Variants in COL20A1 observed in about 807,000 individuals in gnomAD.
COL20A1 encodes collagen alpha-1(XX) chain.
A neutral mutation model predicts 152.9 loss-of-function variants in COL20A1; 164 were observed. The observed-to-expected ratio is 1.07, with a 90% CI of 0.94 to 1.22. COL20A1 has a LOEUF of 1.22. Among genes scored for constraint, COL20A1 ranks in the 50% most tolerant of loss-of-function variants. The pLI, the probability that COL20A1 is intolerant of heterozygous loss-of-function variation, is 0.00. For synonymous variants in COL20A1, 864 were observed against 756.0 expected, an observed-to-expected ratio of 1.14 and a Z score of -2.34; for missense variants, 1,873 against 1,744.8, an observed-to-expected ratio of 1.07 and a Z score of -1.31.
rs2068246904 is a variant in COL20A1 at position 63,326,279 on chromosome 20, T to C, written c.3456+130T>C. ...CAGGAAGTGCCTGGGAGGGCCTCAC[T>C]TCTGCTGGAACTTTCTGCAGGGCCC... On this transcript the variant is annotated intron_variant, in intron 30 of 35. Coordinates refer to ENST00000358894, the MANE Select transcript of COL20A1 (RefSeq NM_020882.4). 2.9e-5 allele frequency: 21 copies of C among 722,696 alleles called. 1 individual carries two copies. In the South Asian group the frequency reaches 3.4e-4, roughly 12 times the overall value. 44.8% of individuals were successfully genotyped at this position (722,696 alleles called of 1,614,324 possible).
Position 63,334,121 on chromosome 20 carries a change from A to G in COL20A1, c.*3405A>G, listed in dbSNP as rs2068365815. 1 of 152,202 alleles carries G rather than the reference A, an allele frequency of 6.6e-6. No homozygotes were observed. The highest frequency in any genetic ancestry group is 1.5e-5 in the Non-Finnish European group (1 of 68,040). The allele number at this position is 152,202 out of a possible 1,614,324, so 9.4% of individuals were successfully genotyped here. ...CTCATGTGTGGAATATCCACACACT[A>G]ACCATGAACTGGGCCATAAGAAACC... is the stretch of plus-strand genomic sequence containing the variant. On this transcript the variant is annotated 3_prime_UTR_variant, in exon 36 of 36. Transcript: ENST00000358894.
At chr20:63,325,642 T>C in intron 28 of COL20A1, 26 bp from the exon 29 acceptor site, 1 of 1,598,408 alleles carries the variant, frequency 6.3e-7, no homozygotes. Context: ...GGCCCCTGCC[T>C]GGCCGGCCCC....
intron 3 of COL20A1, among the ~76,000 whole-genome samples, chr20:63,301,940 T>C (rs1334641921): frequency 6.6e-6 from 1 of 152,240 alleles, no homozygotes; most frequent in Non-Finnish European, 1.5e-5. Context: ...CTTCCCTTTT[T>C]ATTACACTTG....
intron 21 of COL20A1, among the ~76,000 whole-genome samples, chr20:63,317,682 C>G (rs1027565037): frequency 3.3e-5 from 5 of 152,060 alleles, no homozygotes; most frequent in Non-Finnish European, 7.4e-5. Context: ...TGGCTGAACT[C>G]GATGACTGTT....
chr20:63,318,541 T>C (rs1236796077), intron 21 of COL20A1, among the ~76,000 whole-genome samples: 1 of 151,914 alleles, frequency 6.6e-6, no homozygotes, highest in African/African-American at 2.4e-5. Context: ...TGCCAATGAG[T>C]GTGAGTCGGG....
intron 1 of COL20A1, 60 bp from the exon 2 acceptor site, chr20:63,295,038 T>C: frequency 9.2e-7 from 1 of 1,084,250 alleles, no homozygotes; most frequent in Non-Finnish European, 1.3e-6. Flanking sequence ...TCTGGCGTTG[T>C]GGTCAGGGAG....
At chr20:63,321,668 G>A (rs1161239207) in intron 26 of COL20A1, among the ~76,000 whole-genome samples, 2 of 152,144 alleles carry the variant, frequency 1.3e-5, no homozygotes, top group Admixed American at 1.3e-4. Context: ...CCTGCCATGG[G>A]GTGGGTCCTG....
At chr20:63,293,633 G>A (rs1362357946) in intron 1 of COL20A1, among the ~76,000 whole-genome samples, 1 of 152,138 alleles carries the variant, frequency 6.6e-6, no homozygotes, top group African/African-American at 2.4e-5. Context: ...AGGTTTCTGG[G>A]GTGGGAGGAT....
At position 63,311,123 on chromosome 20, in the gene COL20A1, G is replaced by C. The variant is rs1249579270; in HGVS notation, c.1394-271G>C. ...ACAGTGCAGACTTTTGTGTCTGGGT[G>C]TTTCCCAAAGCCCTTTTCACCCCCC... On this transcript the variant is annotated intron_variant, in intron 11 of 35. Transcript: ENST00000358894. This position sits in a 1 kb window ranked among gnomAD's most constrained non-coding sequence, Gnocchi z 4.4. Among the ~76,000 whole-genome samples the C allele has an allele frequency of 1.3e-5, 2 of 152,042 alleles. No individual in the cohort carries two copies. Among genetic ancestry groups the C allele is most frequent in the East Asian group, 3.9e-4 (2 of 5,184 alleles).
intron 20 of COL20A1, among the ~76,000 whole-genome samples, chr20:63,315,980 G>A (rs2068078871): frequency 6.6e-6 from 1 of 152,250 alleles, no homozygotes; most frequent in South Asian, 2.1e-4. Flanking sequence ...AAGGAGCTGG[G>A]GCTTCGAGGG....
chr20:63,306,066 TC>T lies in COL20A1; in HGVS notation c.496+28del. ...TGGGTCAGAGTGGAGAGAGAGTAAGTCTCCGGGGAGGGAGTGACCTTTGGTT... is the reference window on the plus strand; with the variant it reads ...TGGGTCAGAGTGGAGAGAGAGTAAGTTCCGGGGAGGGAGTGACCTTTGGTT... On this transcript the variant is annotated intron_variant, in intron 5 of 35. Transcript: ENST00000358894. This position sits in a 1 kb window ranked among gnomAD's most constrained non-coding sequence, Gnocchi z 6.9. 1 of 1,562,744 alleles carries T rather than the reference TC, an allele frequency of 6.4e-7. No homozygotes were observed. The highest frequency in any genetic ancestry group is 8.7e-7 in the Non-Finnish European group (1 of 1,155,592).
In COL20A1 at chr20:63,326,131, T is replaced by G; in HGVS notation, c.3438T>G (p.Pro1146=). Residue 1146 remains proline, a synonymous_variant, in exon 30 of 36, where the codon CCT becomes CCG. Coordinates refer to ENST00000358894, the MANE Select transcript of COL20A1 (RefSeq NM_020882.4). ...GCCTGGAGGGAACTGCTGGCCTGCC[T>G]GGACCCCCTGGCCCCAGGGTAGGCA... ...MRGLEGTAGL[P]GPPGPRGFQG... The G allele has an allele frequency of 3.7e-6, 6 of 1,612,404 alleles. No individual in the cohort carries two copies. The highest frequency in any genetic ancestry group is 5.1e-6 in the Non-Finnish European group (6 of 1,179,444).
chr20:63,322,072 G>T lies in COL20A1; in HGVS notation c.3255G>T (p.Arg1085Ser). The T allele has an allele frequency of 6.6e-7, 1 of 1,506,804 alleles. No individual in the cohort carries two copies. The highest frequency in any genetic ancestry group is 8.8e-7 in the Non-Finnish European group (1 of 1,131,720). 93.3% of individuals were successfully genotyped at this position (1,506,804 alleles called of 1,614,324 possible). Residue 1085 changes from arginine (R) to serine (S), a missense_variant, in exon 27 of 36, where the codon AGG becomes AGT. Physicochemically the swap from Arg to Ser is moderately radical, Grantham distance 110. Coordinates refer to ENST00000358894, the MANE Select transcript of COL20A1 (RefSeq NM_020882.4). ...TGCCTCTGCAGGGCCTCCCTGGGAG[G>T]AATGGCACCCCAGGAGAGCAGGGCT... ...GPQGPPGLPG[R>S]NGTPGEQGFP...
chr20:63,327,867 G>T (rs2068274548), intron 31 of COL20A1, 85 bp from the exon 32 acceptor site: 12 of 1,372,688 alleles, frequency 8.7e-6, no homozygotes, highest in Non-Finnish European at 1.2e-5. Flanking sequence ...CCTGAGTGAG[G>T]ATCCACCTCA....
intron 5 of COL20A1, among the ~76,000 whole-genome samples, chr20:63,307,145 A>G (rs1197021285): frequency 6.6e-6 from 1 of 152,186 alleles, no homozygotes; most frequent in Non-Finnish European, 1.5e-5. Flanking sequence ...TGCGGTGCTC[A>G]CGGCGGCTCT....
rs767939678 is a variant in COL20A1, at chr20:63,311,073, A to G, written c.1394-321A>G. 6.8e-6 allele frequency among the ~76,000 whole-genome samples: 1 copy of G among 146,456 alleles called. No homozygotes were observed. The highest frequency in any genetic ancestry group is 1.5e-5 in the Non-Finnish European group (1 of 66,896). ...TTCTGTCTCTGGATGTGCCTGTCCC[A>G]GACGTTTCCTGCAGGTGGAATCACA... On this transcript the variant is annotated intron_variant, in intron 11 of 35. Transcript: ENST00000358894. The surrounding 1 kb of genome is among the most constrained non-coding windows in gnomAD (Gnocchi z 4.4).
At chr20:63,314,358 G>T (rs1030985313) in intron 19 of COL20A1, among the ~76,000 whole-genome samples, 157 bp downstream of exon 19, 5 of 152,174 alleles carry the variant, frequency 3.3e-5, no homozygotes, top group African/African-American at 1.2e-4. Flanking sequence ...GTCCTGGGTG[G>T]CTGGAGATGA....
chr20:63,323,073 A>C (rs2068190239), intron 27 of COL20A1, among the ~76,000 whole-genome samples: 1 of 152,214 alleles, frequency 6.6e-6, no homozygotes. Context: ...TCCCACCCCC[A>C]TCTTGCATTC....
At chr20:63,324,607 A>G (rs2068216820) in intron 27 of COL20A1, 2 of 152,562 alleles carry the variant, frequency 1.3e-5, no homozygotes, top group South Asian at 4.1e-4. Context: ...GATATCCCTA[A>G]ATACTGGATG....
Sources: gnomAD v4.1 joint callset for allele counts (sites outside exome capture counted in the v4.1 genomes callset) on GRCh38, gnomAD v4.1.1 for gene constraint, Gnocchi (gnomAD v3.1) non-coding constraint, MANE v1.5 for transcripts, NCBI Gene and HGNC (gene_info 2026-07-23, HGNC 2026-07-21) for gene names.